Variants in MLXIPL observed in about 807,000 individuals in gnomAD.
MLXIPL encodes MLX interacting protein like.
A neutral mutation model predicts 81.5 loss-of-function variants in MLXIPL; 49 were observed. The ratio of observed to expected loss-of-function variants is 0.60; its 90% confidence interval spans 0.48 to 0.76. The LOEUF (loss-of-function observed/expected upper bound fraction) is 0.76, where lower values mean the gene tolerates loss of function less well. Ranked by LOEUF, MLXIPL falls within the 30% of genes least tolerant of loss-of-function variation. The probability of loss-of-function intolerance (pLI) is 0.00; values close to 1 mark genes in which losing one functional copy is unlikely to be tolerated. For missense variants in MLXIPL, 1,053 were observed against 1,167.0 expected, an observed-to-expected ratio of 0.90 and a Z score of 1.42; for synonymous variants, 466 against 485.5, an observed-to-expected ratio of 0.96 and a Z score of 0.53.
intron 4 of MLXIPL, 62 bp downstream of exon 4, chr7:73,607,269 G>T (rs1026360494): frequency 1.3e-6 from 2 of 1,485,328 alleles, no homozygotes; most frequent in Admixed American, 2.0e-5. Flanking sequence ...CTTCCGAGGC[G>T]GGCGGTAGCC....
chr7:73,629,585 T>C, the MLXIPL span, among the ~76,000 whole-genome samples: 1 of 152,070 alleles, frequency 6.6e-6, no homozygotes, highest in Non-Finnish European at 1.5e-5. Flanking sequence ...ATTAAAAAAT[T>C]AGCTATTTGT....
chr7:73,605,538 G>T, intron 7 of MLXIPL, 150 bp downstream of exon 7: 1 of 718,592 alleles, frequency 1.4e-6, no homozygotes, highest in Non-Finnish European at 2.3e-6. Context: ...AGAGTGAGAT[G>T]CCATCTCAAA....
intron 4 of MLXIPL, 52 bp downstream of exon 4, chr7:73,607,279 C>A: frequency 2.6e-6 from 4 of 1,515,158 alleles, no homozygotes; most frequent in South Asian, 1.2e-5. Flanking sequence ...GGGCGGTAGC[C>A]GGCAGCCGCA....
the MLXIPL span, among the ~76,000 whole-genome samples, chr7:73,630,379 G>C: frequency 5.1e-5 from 7 of 137,480 alleles, no homozygotes; most frequent in East Asian, 1.5e-3. Flanking sequence ...TGCAAGCTCT[G>C]CTTCCTGGGC....
intron 7 of MLXIPL, among the ~76,000 whole-genome samples, chr7:73,604,648 G>GATAAAAGA (rs1795142791): frequency 6.6e-6 from 1 of 152,114 alleles, no homozygotes; most frequent in African/African-American, 2.4e-5. Context: ...TAAAAGACTG[G>GATAAAAGA]CCAAGAGTTG....
At chr7:73,635,372 T>C in the MLXIPL span, among the ~76,000 whole-genome samples, 2 of 152,218 alleles carry the variant, frequency 1.3e-5, no homozygotes, top group South Asian at 4.1e-4. Context: ...CGTCCAGCCA[T>C]CCATTCATCT....
the MLXIPL span, among the ~76,000 whole-genome samples, chr7:73,629,739 G>T: frequency 6.6e-6 from 1 of 151,950 alleles, no homozygotes. Context: ...AAACTAAAAG[G>T]CACGTTCATA....
chr7:73,614,473 A>C (rs927079085), intron 2 of MLXIPL, among the ~76,000 whole-genome samples: 2 of 152,100 alleles, frequency 1.3e-5, no homozygotes, highest in South Asian at 2.1e-4. Context: ...CAGAAAACAC[A>C]CCCTCTCCCT....
intron 7 of MLXIPL, among the ~76,000 whole-genome samples, chr7:73,602,179 T>TTC: frequency 2.0e-5 from 1 of 51,128 alleles, no homozygotes; most frequent in African/African-American, 7.2e-5. Context: ...TTTCCCTCTC[T>TTC]CTCTTTCTTT....
chr7:73,612,199 C>T (rs1250484578), intron 2 of MLXIPL, among the ~76,000 whole-genome samples: 2 of 151,836 alleles, frequency 1.3e-5, no homozygotes, highest in East Asian at 1.9e-4. Flanking sequence ...GGTGTGGGGG[C>T]GCATGCCTGT....
chr7:73,614,793 C>T (rs937012443), intron 2 of MLXIPL, among the ~76,000 whole-genome samples: 2 of 148,562 alleles, frequency 1.3e-5, no homozygotes, highest in East Asian at 2.0e-4. Flanking sequence ...CTATTGGCCT[C>T]GTTTTTTGTT....
intron 1 of MLXIPL, among the ~76,000 whole-genome samples, chr7:73,619,887 G>A (rs573773341): frequency 2.1e-5 from 3 of 146,290 alleles, no homozygotes; most frequent in Non-Finnish European, 3.0e-5. Context: ...CCAAGATCGC[G>A]CCACTGCACT....
In MLXIPL at chr7:73,597,393, G is replaced by C. The variant is rs782435817; in HGVS notation, c.1392C>G (p.Ser464Arg). Residue 464 changes from serine to arginine, a missense_variant, in exon 9 of 17, where the codon AGC becomes AGG. This residue lies in a region of MLXIPL where 823 missense variants were observed against 933.0 expected (regional missense o/e 0.88). Coordinates refer to ENST00000313375, the MANE Select transcript of MLXIPL (RefSeq NM_032951.3). ...CTATGGGGAAGGGGGTGGGGGCTGG[G>C]CTGGGGACAGACTGTGGGGTGGGTG... Reference protein sequence around the residue: ...AFPPTPQSVPSPAPTPFPIEL... With the variant: ...AFPPTPQSVPRPAPTPFPIEL... 2.8e-6 allele frequency: 4 copies of C among 1,438,306 alleles called. No homozygotes were observed. The highest frequency in any genetic ancestry group is 3.7e-6 in the Non-Finnish European group (4 of 1,090,836). 89.1% of individuals were successfully genotyped at this position (1,438,306 alleles called of 1,614,324 possible). A position where few individuals can be genotyped will look rare whatever the true frequency, so the allele number is the denominator to read the frequency against.
chr7:73,630,145 C>A, the MLXIPL span, among the ~76,000 whole-genome samples: 3 of 151,578 alleles, frequency 2.0e-5, no homozygotes, highest in Non-Finnish European at 4.4e-5. Flanking sequence ...CTACAGGCGC[C>A]CGCCACCACT....
chr7:73,647,732 G>A, the MLXIPL span, among the ~76,000 whole-genome samples: 1 of 152,116 alleles, frequency 6.6e-6, no homozygotes, highest in Middle Eastern at 3.4e-3. Context: ...CTTGGGTGAG[G>A]CCCCTGCACC....
intron 15 of MLXIPL, 134 bp downstream of exon 15, chr7:73,595,503 A>C: frequency 1.3e-6 from 2 of 1,590,574 alleles, no homozygotes; most frequent in Non-Finnish European, 1.7e-6. Flanking sequence ...CAGGGGGCAG[A>C]GCCAGAGCCT....
At chr7:73,629,899 C>A in the MLXIPL span, among the ~76,000 whole-genome samples, 3 of 152,136 alleles carry the variant, frequency 2.0e-5, no homozygotes, top group East Asian at 1.9e-4. Context: ...ATAAAGCTAA[C>A]CTTTATGGAG....
chr7:73,638,767 C>T, the MLXIPL span, among the ~76,000 whole-genome samples: 5 of 151,992 alleles, frequency 3.3e-5, no homozygotes, highest in Non-Finnish European at 7.4e-5. Flanking sequence ...GGATTACAGG[C>T]ACCTGTCACC....
the MLXIPL span, among the ~76,000 whole-genome samples, chr7:73,636,400 ACT>A: frequency 6.7e-6 from 1 of 148,758 alleles, no homozygotes; most frequent in African/African-American, 2.5e-5. Context: ...ACAGAGTGAG[ACT>A]CTGTCTCAAA....
Sources: allele counts gnomAD v4.1 joint callset (sites outside exome capture counted in the v4.1 genomes callset), GRCh38; gene constraint gnomAD v4.1.1; regional missense constraint gnomAD v4.1.1; transcripts MANE v1.5; gene names NCBI Gene and HGNC (gene_info 2026-07-23, HGNC 2026-07-21).